The following PURG variants were observed in gnomAD, a reference collection of about 807,000 sequenced individuals.
PURG encodes purine-rich element-binding protein gamma.
PURG carries 3 observed loss-of-function variants against 24.3 expected under a neutral mutation model. That is an observed-to-expected ratio of 0.12 (90% CI 0.06 to 0.32). The LOEUF (loss-of-function observed/expected upper bound fraction) is 0.32, where lower values mean the gene tolerates loss of function less well. PURG is among the 10% of genes least tolerant of loss of function. The pLI, the probability that PURG is intolerant of heterozygous loss-of-function variation, is 1.00. For missense variants in PURG, 371 were observed against 439.1 expected (o/e 0.84, Z 1.39); for synonymous variants, 180 against 173.1 (o/e 1.04, Z -0.31).
chr8:30,996,499 G>T, exon 2 of PURG: 1 of 859,230 alleles, frequency 1.2e-6, no homozygotes, highest in Non-Finnish European at 1.9e-6. Flanking sequence ...GTGGAGGAAT[G>T]TCAAGTACTG....
chr8:31,013,668 C>T (rs976918423), intron 1 of PURG, among the ~76,000 whole-genome samples: 4 of 152,116 alleles, frequency 2.6e-5, no homozygotes, highest in Admixed American at 1.3e-4. Context: ...ACCCAGGAGG[C>T]GGAGGTTGCA....
intron 1 of PURG, among the ~76,000 whole-genome samples, chr8:31,021,386 T>C (rs900390439): frequency 1.3e-5 from 2 of 152,200 alleles, no homozygotes; most frequent in Admixed American, 6.5e-5. Flanking sequence ...TAAAAAGTTA[T>C]GATCCCTTTA....
chr8:31,020,985 G>A (rs1177157404), intron 1 of PURG, among the ~76,000 whole-genome samples: 1 of 152,210 alleles, frequency 6.6e-6, no homozygotes, highest in Non-Finnish European at 1.5e-5. Context: ...AAGATGATTT[G>A]TATTCACACT....
At chr8:31,028,079 A>C (rs1259240935), downstream of PURG, among the ~76,000 whole-genome samples, 1 of 151,800 alleles carries the variant, frequency 6.6e-6, no homozygotes, top group East Asian at 1.9e-4. Context: ...ATGATTGAAA[A>C]AAATTTTGTC....
intron 1 of PURG, among the ~76,000 whole-genome samples, chr8:31,001,983 C>T (rs1044751687): frequency 5.3e-5 from 8 of 152,188 alleles, no homozygotes; most frequent in Admixed American, 4.6e-4. Context: ...TTTACCTTTG[C>T]CAAACATTTA....
At chr8:31,013,026 G>A (rs1810792651) in intron 1 of PURG, among the ~76,000 whole-genome samples, 1 of 152,124 alleles carries the variant, frequency 6.6e-6, no homozygotes, top group Non-Finnish European at 1.5e-5. Flanking sequence ...GAATCAAGTT[G>A]TGTTTACCCA....
chr8:31,019,048 C>T (rs1388324013), intron 1 of PURG, among the ~76,000 whole-genome samples: 2 of 131,026 alleles, frequency 1.5e-5, no homozygotes, highest in Admixed American at 8.5e-5. Context: ...GGCATGAACC[C>T]GGGAGGCGGA....
At chr8:31,023,406 G>A (rs1811034312) in intron 1 of PURG, among the ~76,000 whole-genome samples, 1 of 152,044 alleles carries the variant, frequency 6.6e-6, no homozygotes, top group African/African-American at 2.4e-5. Context: ...CACTAAAAGA[G>A]AGGTCTAGGG....
At chr8:31,017,230 C>T (rs1810890252) in intron 1 of PURG, among the ~76,000 whole-genome samples, 1 of 152,096 alleles carries the variant, frequency 6.6e-6, no homozygotes, top group Non-Finnish European at 1.5e-5. Context: ...GGCAGCCAAT[C>T]AATTGCAAAT....
chr8:31,032,661 T>C lies in PURG; in HGVS notation c.122A>G (p.His41Arg). The C allele has an allele frequency of 1.3e-6, 2 of 1,562,770 alleles. No homozygotes were observed. The highest frequency in any genetic ancestry group is 1.7e-6 in the Non-Finnish European group (2 of 1,153,142). The change falls in exon 2 of 2, where the codon CAC (histidine) becomes CGC (arginine). Residue 41 changes from histidine (H) to arginine (R), a missense_variant. Coordinates refer to ENST00000523392, the MANE Select transcript of PURG (RefSeq NM_001323311.2). This position sits in a 1 kb window ranked among gnomAD's most constrained non-coding sequence, Gnocchi z 5.9. ...YPQAQHSHYP[H>R]YAASATPNQA... ...ATTAGGGGTGGCTGAGGCCGCGTAG[T>C]GGGGGTAGTGGGAGTGCTGGGCCTG...
At position 31,031,348 on chromosome 8, in the gene PURG, G is replaced by A. The variant is rs1056382932; in HGVS notation, c.*391C>T. On this transcript the variant is annotated 3_prime_UTR_variant, in exon 2 of 2. Coordinates refer to ENST00000523392, the MANE Select transcript of PURG (RefSeq NM_001323311.2). ...GGTAAGCTTAGCAGCTTTTAATGAA[G>A]TAGAATTGAAATACTTTTGGGGGAA... 4.1e-5 allele frequency: 7 copies of A among 172,450 alleles called. No homozygotes were observed. The highest frequency in any genetic ancestry group is 1.5e-4 in the South Asian group (1 of 6,820). The allele number at this position is 172,450 out of a possible 1,614,324, so 10.7% of individuals were successfully genotyped here.
chr8:31,029,510 G>A (rs1338505556), downstream of PURG, among the ~76,000 whole-genome samples: 1 of 151,528 alleles, frequency 6.6e-6, no homozygotes, highest in Non-Finnish European at 1.5e-5. Context: ...ATATACATAT[G>A]TCTGTGTGTA....
chr8:31,010,803 C>T (rs1482880393), intron 1 of PURG, among the ~76,000 whole-genome samples: 2 of 151,952 alleles, frequency 1.3e-5, no homozygotes, highest in Non-Finnish European at 2.9e-5. Context: ...GAAAAAAGAA[C>T]TTGGAAAATG....
At chr8:31,019,072 C>T (rs1341891063) in intron 1 of PURG, among the ~76,000 whole-genome samples, 1 of 113,940 alleles carries the variant, frequency 8.8e-6, no homozygotes, top group African/African-American at 3.4e-5. Flanking sequence ...TGCAGTGAGC[C>T]GAGATCGCGC....
At chr8:31,000,682 T>C (rs918498456) in intron 1 of PURG, among the ~76,000 whole-genome samples, 2 of 152,098 alleles carry the variant, frequency 1.3e-5, no homozygotes, top group Non-Finnish European at 2.9e-5. Context: ...TCAAAGAACA[T>C]TAAATAACTG....
rs774376431 is a variant in PURG at position 31,031,877 on chromosome 8, A to T, written c.906T>A (p.Val302=). ...VRPPYRNTIT[V]PFKAWTRFGE... is the part of the protein sequence containing the mutation. Reference sequence around the variant, plus strand: ...CAAACCTTGTCCAAGCTTTGAATGGAACAGTAATAGTATTACGGTAAGGTG... The same window carrying T: ...CAAACCTTGTCCAAGCTTTGAATGGTACAGTAATAGTATTACGGTAAGGTG... Residue 302 remains valine (V), a synonymous_variant, in exon 2 of 2, where the codon GTT becomes GTA. Coordinates refer to ENST00000523392, the MANE Select transcript of PURG (RefSeq NM_001323311.2). 1 of 1,613,524 alleles carries T rather than the reference A, an allele frequency of 6.2e-7. No homozygotes were observed. The highest frequency in any genetic ancestry group is 8.5e-7 in the Non-Finnish European group (1 of 1,179,684).
chr8:31,026,944 G>A (rs1159008130), downstream of PURG, among the ~76,000 whole-genome samples: 1 of 151,304 alleles, frequency 6.6e-6, no homozygotes, highest in East Asian at 1.9e-4. Context: ...CTAAATTTGG[G>A]TATATTTTCT....
chr8:31,016,596 A>C (rs1339176875), intron 1 of PURG, among the ~76,000 whole-genome samples: 11 of 144,734 alleles, frequency 7.6e-5, no homozygotes, highest in East Asian at 4.1e-4. Flanking sequence ...AAAAAAAAAA[A>C]AAAAAAAAAA....
intron 1 of PURG, among the ~76,000 whole-genome samples, chr8:31,006,761 T>A (rs1189995115): frequency 6.6e-6 from 1 of 152,206 alleles, no homozygotes; most frequent in Non-Finnish European, 1.5e-5. Flanking sequence ...ATGCTGGGCC[T>A]ATGGGAGGAA....
Sources: allele counts gnomAD v4.1 joint callset (sites outside exome capture counted in the v4.1 genomes callset), GRCh38; gene constraint gnomAD v4.1.1; non-coding constraint Gnocchi (gnomAD v3.1); transcripts MANE v1.5; gene names NCBI Gene and HGNC (gene_info 2026-07-23, HGNC 2026-07-21).